Variants in DNAJC1 observed in about 807,000 individuals in gnomAD.
DNAJC1 encodes the protein DnaJ heat shock protein family (Hsp40) member C1.
In DNAJC1, 58 loss-of-function variants were observed where a neutral mutation model predicts 76.6. The ratio of observed to expected loss-of-function variants is 0.76; its 90% confidence interval spans 0.61 to 0.94. DNAJC1 has a LOEUF of 0.94. DNAJC1 is among the 40% of genes least tolerant of loss of function. The pLI, the probability that DNAJC1 is intolerant of heterozygous loss-of-function variation, is 0.00. For synonymous variants in DNAJC1, 258 were observed against 267.9 expected (o/e 0.96, Z 0.36); for missense variants, 689 against 677.3 (o/e 1.02, Z -0.19).
chr10:21,946,049 C>CTTTTTTTTTTTTTTTTTTTT (rs71510915), intron 1 of DNAJC1, among the ~76,000 whole-genome samples: 2 of 93,306 alleles, frequency 2.1e-5, no homozygotes, highest in East Asian at 3.2e-4. Flanking sequence ...TTCTTTTCCT[C>CTTTTTTTTTTTTTTTTTTTT]TTTTTTTTTT....
intron 6 of DNAJC1, among the ~76,000 whole-genome samples, chr10:21,908,686 T>G (rs1226862382): frequency 6.6e-6 from 1 of 152,146 alleles, no homozygotes; most frequent in East Asian, 1.9e-4. Context: ...TTAATAAATA[T>G]TTAATGAATA....
chr10:21,798,813 C>T (rs983762474), intron 9 of DNAJC1, among the ~76,000 whole-genome samples: 1 of 152,102 alleles, frequency 6.6e-6, no homozygotes, highest in Non-Finnish European at 1.5e-5. Flanking sequence ...TCTTTGCTTG[C>T]GTGGTTGCAA....
chr10:21,878,358 G>A (rs1290053948), intron 8 of DNAJC1, among the ~76,000 whole-genome samples: 2 of 152,268 alleles, frequency 1.3e-5, no homozygotes, highest in East Asian at 1.9e-4. Flanking sequence ...AGCAACGAGA[G>A]GTGTTTTAAA....
intron 8 of DNAJC1, among the ~76,000 whole-genome samples, chr10:21,817,957 T>C (rs752107193): frequency 9.2e-5 from 14 of 152,184 alleles, no homozygotes; most frequent in Admixed American, 3.9e-4. Context: ...ATGATTGCGT[T>C]AACTGCACAA....
chr10:21,894,442 GCACCTGTAATCC>G (rs1836506728), intron 7 of DNAJC1, among the ~76,000 whole-genome samples: 1 of 152,094 alleles, frequency 6.6e-6, no homozygotes, highest in Non-Finnish European at 1.5e-5. Context: ...ATGGTGGCAG[GCACCTGTAATCC>G]CACCTACTTG....
chr10:21,868,894 G>A (rs981905341), intron 8 of DNAJC1, among the ~76,000 whole-genome samples: 1 of 151,980 alleles, frequency 6.6e-6, no homozygotes, highest in Non-Finnish European at 1.5e-5. Flanking sequence ...CATTAAAATG[G>A]AGATCATAAG....
At chr10:21,906,888 T>G (rs1455480153) in intron 6 of DNAJC1, among the ~76,000 whole-genome samples, 2 of 152,194 alleles carry the variant, frequency 1.3e-5, no homozygotes, top group Non-Finnish European at 1.5e-5. Flanking sequence ...CTATTTTTAT[T>G]ATTACTTCTA....
At chr10:21,830,078 TG>T (rs780741012) in intron 8 of DNAJC1, among the ~76,000 whole-genome samples, 1 of 152,254 alleles carries the variant, frequency 6.6e-6, no homozygotes, top group Non-Finnish European at 1.5e-5. Context: ...TAAGTGTTGC[TG>T]TCATGTATTT....
At chr10:21,779,485 G>C (rs991692220) in intron 9 of DNAJC1, among the ~76,000 whole-genome samples, 2 of 152,144 alleles carry the variant, frequency 1.3e-5, no homozygotes, top group African/African-American at 2.4e-5. Context: ...AGGCAAACAG[G>C]GTCTGGAGTG....
chr10:21,783,976 C>G (rs1471494508), intron 9 of DNAJC1, among the ~76,000 whole-genome samples: 1 of 152,190 alleles, frequency 6.6e-6, no homozygotes, highest in African/African-American at 2.4e-5. Context: ...CAATACCATT[C>G]AGGACACAGG....
chr10:21,970,689 G>C (rs1409566170), intron 1 of DNAJC1, among the ~76,000 whole-genome samples: 2 of 151,870 alleles, frequency 1.3e-5, no homozygotes, highest in Admixed American at 1.3e-4. Flanking sequence ...GGAATACAGA[G>C]TTGACTTGAT....
intron 8 of DNAJC1, among the ~76,000 whole-genome samples, chr10:21,869,215 C>CAA (rs552376355): frequency 3.0e-4 from 28 of 94,314 alleles, no homozygotes; most frequent in Non-Finnish European, 4.8e-4. Context: ...GACCATATCT[C>CAA]AAAAAAAAAA....
At chr10:21,964,824 T>C (rs1018164122) in intron 1 of DNAJC1, among the ~76,000 whole-genome samples, 1 of 152,110 alleles carries the variant, frequency 6.6e-6, no homozygotes, top group East Asian at 1.9e-4. Flanking sequence ...AGTATTGAGG[T>C]TATTTTCCTC....
chr10:21,844,747 A>AT (rs1312494053), intron 8 of DNAJC1, among the ~76,000 whole-genome samples: 1 of 152,144 alleles, frequency 6.6e-6, no homozygotes, highest in African/African-American at 2.4e-5. Context: ...AAAAAAATAG[A>AT]TTTTTGGCTG....
chr10:21,762,853 A>G (rs568759514), intron 10 of DNAJC1, among the ~76,000 whole-genome samples: 2 of 152,352 alleles, frequency 1.3e-5, no homozygotes, highest in South Asian at 4.1e-4. Flanking sequence ...TAAATCCGTA[A>G]AAATAAGAGT....
intron 10 of DNAJC1, among the ~76,000 whole-genome samples, chr10:21,760,638 G>A (rs1173531707): frequency 1.3e-5 from 2 of 152,232 alleles, no homozygotes; most frequent in Non-Finnish European, 2.9e-5. Flanking sequence ...ACCACTTGGT[G>A]TAGTACTGAG....
At chr10:21,958,498 G>A (rs777654388) in intron 1 of DNAJC1, among the ~76,000 whole-genome samples, 3 of 151,012 alleles carry the variant, frequency 2.0e-5, no homozygotes, top group African/African-American at 2.4e-5. Flanking sequence ...GCGCGATCTC[G>A]GTCACTGCAA....
intron 8 of DNAJC1, among the ~76,000 whole-genome samples, chr10:21,809,122 T>C (rs1447006390): frequency 4.6e-5 from 7 of 152,170 alleles, no homozygotes; most frequent in Admixed American, 4.6e-4. Context: ...GAAAATCCTC[T>C]ATATTCTTGG....
At chr10:21,790,010 T>TAAAAAAA (rs35639440) in intron 9 of DNAJC1, among the ~76,000 whole-genome samples, 2 of 41,090 alleles carry the variant, frequency 4.9e-5, no homozygotes, top group African/African-American at 2.4e-4. Context: ...GCTCTGTCTT[T>TAAAAAAA]AAAAAAAAAA....
Sources: allele counts gnomAD v4.1 joint callset (sites outside exome capture counted in the v4.1 genomes callset), GRCh38; gene constraint gnomAD v4.1.1; transcripts MANE v1.5; gene names NCBI Gene and HGNC (gene_info 2026-07-23, HGNC 2026-07-21).